Variants in GOLGA4 observed in about 807,000 individuals in gnomAD.
GOLGA4 encodes golgin A4.
In GOLGA4, 169 loss-of-function variants were observed where a neutral mutation model predicts 265.9. That is an observed-to-expected ratio of 0.64 (90% CI 0.56 to 0.72). The LOEUF (loss-of-function observed/expected upper bound fraction) is 0.72, where lower values mean the gene tolerates loss of function less well. Ranked by LOEUF, GOLGA4 falls within the 30% of genes least tolerant of loss-of-function variation. GOLGA4 has a pLI of 0.00. For missense variants in GOLGA4, 2,482 were observed against 2,483.4 expected, an observed-to-expected ratio of 1.00 and a Z score of 0.01; for synonymous variants, 923 against 855.8, an observed-to-expected ratio of 1.08 and a Z score of -1.37.
Position 37,251,481 on chromosome 3 carries a change from A to T in GOLGA4, c.159A>T (p.Arg53Ser). ...AACTTGATGAAGGTACACCCAATAG[A>T]GAGGTAAGTTTGGAATTCCTTTTCT... is the stretch of plus-strand genomic sequence containing the variant. Reference protein sequence around the residue: ...TEQLDEGTPNRESGDTQSFAQ... With the variant: ...TEQLDEGTPNSESGDTQSFAQ... The change falls in exon 2 of 24, where the codon AGA becomes AGT. Residue 53 changes from arginine (R) to serine (S), a missense_variant. Arg to Ser is a moderately radical substitution (Grantham distance 110). Coordinates refer to ENST00000361924, the MANE Select transcript of GOLGA4 (RefSeq NM_002078.5). The T allele has an allele frequency of 1.9e-6, 3 of 1,585,094 alleles. No individual in the cohort carries two copies. The highest frequency in any genetic ancestry group is 2.6e-6 in the Non-Finnish European group (3 of 1,153,604).
At chr3:37,247,702 A>T (rs2096723221) in intron 1 of GOLGA4, among the ~76,000 whole-genome samples, 1 of 152,154 alleles carries the variant, frequency 6.6e-6, no homozygotes, top group Admixed American at 6.5e-5. Flanking sequence ...GCTAAAATCA[A>T]TATGTTGTCC....
chr3:37,285,726 C>T (rs1380206902), intron 3 of GOLGA4, among the ~76,000 whole-genome samples: 1 of 152,204 alleles, frequency 6.6e-6, no homozygotes, highest in Non-Finnish European at 1.5e-5. Context: ...TAGCCTCCTG[C>T]CTTTAGGCAA....
chr3:37,261,156 G>A (rs1456913261), intron 2 of GOLGA4, among the ~76,000 whole-genome samples: 1 of 151,878 alleles, frequency 6.6e-6, no homozygotes, highest in Non-Finnish European at 1.5e-5. Context: ...TGGTGACAGA[G>A]CAAGACCCTA....
At chr3:37,356,332 T>G (rs1234433846) in intron 22 of GOLGA4, among the ~76,000 whole-genome samples, 1 of 152,134 alleles carries the variant, frequency 6.6e-6, no homozygotes, top group African/African-American at 2.4e-5. Context: ...GACCACTTCT[T>G]CTTGGTCTCC....
intron 2 of GOLGA4, among the ~76,000 whole-genome samples, chr3:37,280,672 T>C (rs1006648868): frequency 1.3e-5 from 2 of 152,348 alleles, no homozygotes; most frequent in East Asian, 3.9e-4. Context: ...CATATGTTAT[T>C]GTTTATTTTT....
At position 37,328,522 on chromosome 3, in the gene GOLGA4, A is replaced by T; in HGVS notation, c.6046A>T (p.Ile2016Leu). The T allele has an allele frequency of 6.2e-7, 1 of 1,611,886 alleles. No homozygotes were observed. Among genetic ancestry groups the T allele is most frequent in the Non-Finnish European group, 8.5e-7 (1 of 1,178,874 alleles). The change falls in exon 15 of 24, where the codon ATA (isoleucine) becomes TTA (leucine). Residue 2016 changes from isoleucine (I) to leucine (L), a missense_variant. Physicochemically the swap from Ile to Leu is conservative, Grantham distance 5 (BLOSUM62 2). This residue lies in a region of GOLGA4 where 942 missense variants were observed against 983.1 expected (regional missense o/e 0.96). Coordinates refer to ENST00000361924, the MANE Select transcript of GOLGA4 (RefSeq NM_002078.5). ...AQKEQELEMT[I>L]KETINKAQEV... ...AAAGGAACAAGAGCTGGAAATGACC[A>T]TAAAAGAAACTATCAGTAAGTAAAA...
At position 37,327,803 on chromosome 3, in the gene GOLGA4, C is replaced by A. The variant is rs531422582; in HGVS notation, c.5917C>A (p.Gln1973Lys). The part of the protein sequence containing the change: ...ELEILKKEYD[Q>K]EREEKIKQEQ... ...GGAAATACTAAAGAAAGAATATGAT[C>A]AAGAAAGGGAAGAGAAAATCAAGTA... The change falls in exon 14 of 24, where the codon CAA becomes AAA. Residue 1973 changes from glutamine (Q) to lysine (K), a missense_variant. Gln to Lys is a moderately conservative substitution (Grantham distance 53). Transcript: ENST00000361924. 9.3e-6 allele frequency: 15 copies of A among 1,605,726 alleles called. No individual in the cohort carries two copies. Among genetic ancestry groups the A allele is most frequent in the Non-Finnish European group, 1.2e-5 (14 of 1,174,820 alleles).
chr3:37,356,438 G>A (rs541522415), intron 22 of GOLGA4, among the ~76,000 whole-genome samples: 11 of 152,178 alleles, frequency 7.2e-5, no homozygotes, highest in African/African-American at 2.2e-4. Flanking sequence ...TGAGGCATTT[G>A]CTATTATTTT....
At position 37,327,696 on chromosome 3, in the gene GOLGA4, G is replaced by A. The variant is rs142103256; in HGVS notation, c.5810G>A (p.Arg1937Gln). ...GAGTTTAAATTAGCCGGGGCAGAAC[G>A]GGAGAAACAGAAACTGGGCAAGGAG... The part of the protein sequence containing the change: ...DLEFKLAGAE[R>Q]EKQKLGKEIV... The change falls in exon 14 of 24, where the codon CGG becomes CAG. Residue 1937 changes from arginine to glutamine, a missense_variant. By Grantham distance (43) the Arg-to-Gln change is conservative. Transcript: ENST00000361924. 9.9e-6 allele frequency: 16 copies of A among 1,613,894 alleles called. No individual in the cohort carries two copies. The highest frequency in any genetic ancestry group is 4.0e-5 in the African/African-American group (3 of 75,006).
chr3:37,282,364 A>C, intron 3 of GOLGA4, 92 bp downstream of exon 3: 1 of 894,764 alleles, frequency 1.1e-6, no homozygotes, highest in Non-Finnish European at 1.8e-6. Context: ...TGATTGGCTA[A>C]ACTGTTAATT....
At chr3:37,303,113 C>G (rs1306677857) in intron 10 of GOLGA4, among the ~76,000 whole-genome samples, 1 of 152,226 alleles carries the variant, frequency 6.6e-6, no homozygotes, top group African/African-American at 2.4e-5. Context: ...AGCTGAAAAC[C>G]ATTCTTGCTG....
chr3:37,258,569 C>T (rs1385737381), intron 2 of GOLGA4, among the ~76,000 whole-genome samples: 4 of 152,150 alleles, frequency 2.6e-5, no homozygotes, highest in African/African-American at 9.7e-5. Flanking sequence ...CTCAAGTGAT[C>T]TGCCCACCTT....
chr3:37,342,067 G>A (rs534775903), intron 20 of GOLGA4, among the ~76,000 whole-genome samples: 2 of 152,280 alleles, frequency 1.3e-5, no homozygotes, highest in South Asian at 2.1e-4. Context: ...ATGAGGCCGG[G>A]TGGGGTGGCT....
chr3:37,281,952 T>A lies in GOLGA4; in HGVS notation c.163-6T>A. On this transcript the variant is annotated splice_polypyrimidine_tract_variant and splice_region_variant and intron_variant, in intron 2 of 23. Coordinates refer to ENST00000361924, the MANE Select transcript of GOLGA4 (RefSeq NM_002078.5). ...ATCCACACATTCTGTTGGGTTTTGG[T>A]TGCAGTCAGGTGACACACAGTCTTT... The A allele has an allele frequency of 6.2e-7, 1 of 1,602,688 alleles. No individual in the cohort carries two copies. Among genetic ancestry groups the A allele is most frequent in the East Asian group, 2.2e-5 (1 of 44,666 alleles).
At chr3:37,295,343 A>G (rs958820607) in intron 6 of GOLGA4, among the ~76,000 whole-genome samples, 3 of 152,134 alleles carry the variant, frequency 2.0e-5, no homozygotes, top group African/African-American at 7.2e-5. Context: ...CTCTGCCTCC[A>G]GAGTGGCTGG....
intron 2 of GOLGA4, among the ~76,000 whole-genome samples, chr3:37,267,316 A>C (rs1396665461): frequency 6.6e-6 from 1 of 152,256 alleles, no homozygotes; most frequent in African/African-American, 2.4e-5. Context: ...ATTTTGAGAT[A>C]TGACTTACAT....
chr3:37,284,212 C>T (rs1040219970), intron 3 of GOLGA4, among the ~76,000 whole-genome samples: 11 of 152,090 alleles, frequency 7.2e-5, no homozygotes, highest in African/African-American at 1.2e-4. Flanking sequence ...ATTTTTAGTT[C>T]AGGGATACAT....
intron 2 of GOLGA4, among the ~76,000 whole-genome samples, chr3:37,275,215 C>CAAAAAAAAAAAAA (rs749758741): frequency 1.1e-4 from 5 of 44,980 alleles, no homozygotes; most frequent in African/African-American, 1.8e-4. Flanking sequence ...GACTCCGTCT[C>CAAAAAAAAAAAAA]AAAAAAAAAA....
chr3:37,356,735 A>C lies in GOLGA4; in HGVS notation c.6663+1548A>C, dbSNP rs151077674. 2.7e-3 allele frequency among the ~76,000 whole-genome samples: 408 copies of C among 152,262 alleles called. 3 individuals are homozygous for C. The highest frequency in any genetic ancestry group is 9.4e-3 in the African/African-American group (392 of 41,568). On this transcript the variant is annotated intron_variant, in intron 22 of 23. Coordinates refer to ENST00000361924, the MANE Select transcript of GOLGA4 (RefSeq NM_002078.5). ...TTTCTAATGCAGTTTGAGCCTGTTG[A>C]CATAATTTTGTCATTATGGTCCAGT...
Sources: gnomAD v4.1 joint callset for allele counts (sites outside exome capture counted in the v4.1 genomes callset) on GRCh38, gnomAD v4.1.1 for gene constraint, gnomAD v4.1.1 regional missense constraint, MANE v1.5 for transcripts, NCBI Gene and HGNC (gene_info 2026-07-23, HGNC 2026-07-21) for gene names.